The following CAMKMT variants were observed in gnomAD, a reference collection of about 807,000 sequenced individuals.
CAMKMT encodes the protein CaM KMT.
Under a neutral mutation model 48.0 loss-of-function variants are expected in CAMKMT, and 53 were observed. The ratio of observed to expected loss-of-function variants is 1.10; its 90% CI spans 0.89 to 1.39. CAMKMT has a LOEUF of 1.39. CAMKMT is among the 40% of genes most tolerant of loss of function. The pLI, the probability that CAMKMT is intolerant of heterozygous loss-of-function variation, is 0.00. For synonymous variants in CAMKMT, 165 were observed against 152.3 expected (o/e 1.08, Z -0.61); for missense variants, 428 against 402.7 (o/e 1.06, Z -0.54).
chr2:44,439,061 G>C (rs1666472822), intron 3 of CAMKMT, among the ~76,000 whole-genome samples: 1 of 152,140 alleles, frequency 6.6e-6, no homozygotes, highest in African/African-American at 2.4e-5. Context: ...TGAGCAAAGG[G>C]ACAGGTACAG....
intron 9 of CAMKMT, among the ~76,000 whole-genome samples, chr2:44,756,621 A>G (rs1211915332): frequency 2.0e-5 from 3 of 152,058 alleles, no homozygotes; most frequent in Non-Finnish European, 2.9e-5. Flanking sequence ...GGGCGCCTGT[A>G]GTCCCAGCTA....
intron 3 of CAMKMT, among the ~76,000 whole-genome samples, chr2:44,649,572 C>G (rs528734792): frequency 6.6e-6 from 1 of 152,190 alleles, no homozygotes; most frequent in Non-Finnish European, 1.5e-5. Context: ...GGTAGAAATC[C>G]TCTTCATAGG....
At chr2:44,703,576 G>C (rs543941819) in intron 3 of CAMKMT, among the ~76,000 whole-genome samples, 1 of 151,892 alleles carries the variant, frequency 6.6e-6, no homozygotes, top group African/African-American at 2.4e-5. Flanking sequence ...TCAGGAGTTC[G>C]AGACCAGCTT....
At chr2:44,755,486 A>G (rs1310345904) in intron 9 of CAMKMT, among the ~76,000 whole-genome samples, 2 of 152,214 alleles carry the variant, frequency 1.3e-5, no homozygotes, top group East Asian at 3.9e-4. Context: ...TCATACATAA[A>G]TATAATGCTT....
In CAMKMT at chr2:44,698,014, T is replaced by TA. The variant is rs531317737; in HGVS notation, c.377-6268dup. Among the ~76,000 whole-genome samples the TA allele has an allele frequency of 1.1e-3, 167 of 152,340 alleles. 4 individuals carry two copies. In the South Asian group the frequency reaches 0.021, roughly 19 times the overall value. Reference sequence around the variant, plus strand: ...AATAGATCCCAATGGCTCTTTAAACTATGTGTCTCTATAACTAATTTGAAA... The same window carrying TA: ...AATAGATCCCAATGGCTCTTTAAACTAATGTGTCTCTATAACTAATTTGAAA... On this transcript the variant is annotated intron_variant, in intron 3 of 10. Transcript: ENST00000378494.
chr2:44,553,621 A>G (rs938627390), intron 3 of CAMKMT, among the ~76,000 whole-genome samples: 19 of 152,138 alleles, frequency 1.2e-4, no homozygotes, highest in South Asian at 2.1e-4. Flanking sequence ...TCAGCTTCCC[A>G]AAGTGCTAGA....
At chr2:44,482,020 T>A (rs772382298) in intron 3 of CAMKMT, among the ~76,000 whole-genome samples, 1 of 152,064 alleles carries the variant, frequency 6.6e-6, no homozygotes, top group Non-Finnish European at 1.5e-5. Flanking sequence ...TAGTAAAATA[T>A]TACCTAAAAG....
chr2:44,469,327 G>A (rs1417708132), intron 3 of CAMKMT, among the ~76,000 whole-genome samples: 2 of 147,446 alleles, frequency 1.4e-5, no homozygotes, highest in Non-Finnish European at 3.0e-5. Context: ...AATCTATTTG[G>A]CTGTTGAATC....
In CAMKMT at chr2:44,754,123, G is replaced by C. The variant is rs761968680; in HGVS notation, c.762+5G>C. 31 of 1,611,356 alleles carry C rather than the reference G, an allele frequency of 1.9e-5. No individual in the cohort carries two copies. The highest frequency in any genetic ancestry group is 2.5e-5 in the Non-Finnish European group (30 of 1,177,642). On this transcript the variant is annotated splice_donor_5th_base_variant and intron_variant, in intron 9 of 10. Coordinates refer to ENST00000378494, the MANE Select transcript of CAMKMT (RefSeq NM_024766.5). ...AAGAGATTACTCCAGCCCAGGGTAA[G>C]TATGTTTCTATTTTCTCCTGAACAC...
rs762121583 is a variant in CAMKMT at position 44,772,143 on chromosome 2, G to A, written c.*30G>A. ...TTAAGCTTCTCAAAGACGAAGAAACGTATCAAGTGCATAGGGAATATTTTT... is the reference window on the plus strand; with the variant it reads ...TTAAGCTTCTCAAAGACGAAGAAACATATCAAGTGCATAGGGAATATTTTT... On this transcript the variant is annotated 3_prime_UTR_variant, in exon 11 of 11. Coordinates refer to ENST00000378494, the MANE Select transcript of CAMKMT (RefSeq NM_024766.5). 47 of 1,559,980 alleles carry A rather than the reference G, an allele frequency of 3.0e-5. No homozygotes were observed. Among genetic ancestry groups the A allele is most frequent in the South Asian group, 1.2e-4 (11 of 88,920 alleles).
At chr2:44,741,153 A>G (rs1414209679) in intron 7 of CAMKMT, among the ~76,000 whole-genome samples, 2 of 152,230 alleles carry the variant, frequency 1.3e-5, no homozygotes, top group Non-Finnish European at 2.9e-5. Flanking sequence ...TTGTGTTTTT[A>G]ATCTCATTTT....
rs575166194 is a variant in CAMKMT, at chr2:44,438,913, G to A, written c.376+48608G>A. 1.3e-4 allele frequency among the ~76,000 whole-genome samples: 20 copies of A among 152,162 alleles called. 1 individual carries two copies. In the South Asian group the frequency reaches 4.2e-3, roughly 32 times the overall value. ...CCCCTCCTACTGGGAAAATGGACAC[G>A]GCATCCCCTTAACCCCTTGCCTGAT... On this transcript the variant is annotated intron_variant, in intron 3 of 10. Coordinates refer to ENST00000378494, the MANE Select transcript of CAMKMT (RefSeq NM_024766.5).
chr2:44,428,532 G>C (rs888921586), intron 3 of CAMKMT, among the ~76,000 whole-genome samples: 1 of 152,212 alleles, frequency 6.6e-6, no homozygotes, highest in African/African-American at 2.4e-5. Flanking sequence ...GTCCAGGCTC[G>C]AGGGTGGAAC....
At chr2:44,623,951 ATGT>A (rs1672337476) in intron 3 of CAMKMT, among the ~76,000 whole-genome samples, 1 of 152,126 alleles carries the variant, frequency 6.6e-6, no homozygotes, top group African/African-American at 2.4e-5. Context: ...AGATTCATTC[ATGT>A]TGTTTGTTTT....
At chr2:44,447,670 C>A (rs1022244942) in intron 3 of CAMKMT, among the ~76,000 whole-genome samples, 1 of 152,250 alleles carries the variant, frequency 6.6e-6, no homozygotes, top group African/African-American at 2.4e-5. Flanking sequence ...CCATGTACTA[C>A]TTCTCAAACA....
At chr2:44,377,330 T>G (rs1435938975) in intron 2 of CAMKMT, among the ~76,000 whole-genome samples, 2 of 152,110 alleles carry the variant, frequency 1.3e-5, no homozygotes, top group Non-Finnish European at 2.9e-5. Flanking sequence ...TTCTTAGAAC[T>G]TTGTAGAAGA....
At chr2:44,485,503 C>T (rs1030953111) in intron 3 of CAMKMT, among the ~76,000 whole-genome samples, 6 of 152,082 alleles carry the variant, frequency 3.9e-5, no homozygotes, top group Non-Finnish European at 8.8e-5. Context: ...AGAAATGTGT[C>T]CTTAGGCAAT....
At chr2:44,407,931 G>A (rs1682894964) in intron 3 of CAMKMT, among the ~76,000 whole-genome samples, 1 of 151,752 alleles carries the variant, frequency 6.6e-6, no homozygotes, top group Non-Finnish European at 1.5e-5. Flanking sequence ...ATAGTAAGTT[G>A]TACTAATAGA....
intron 3 of CAMKMT, among the ~76,000 whole-genome samples, chr2:44,444,922 A>T (rs1425048061): frequency 6.6e-6 from 1 of 151,994 alleles, no homozygotes; most frequent in Non-Finnish European, 1.5e-5. Flanking sequence ...AGTCCATGCA[A>T]CCCCCCAAGA....
Sources: gnomAD v4.1 joint callset for allele counts (sites outside exome capture counted in the v4.1 genomes callset) on GRCh38, gnomAD v4.1.1 for gene constraint, MANE v1.5 for transcripts, NCBI Gene and HGNC (gene_info 2026-07-23, HGNC 2026-07-21) for gene names.